BICC1: variants seen among roughly 807,000 people sequenced by gnomAD.
BICC1 encodes the protein protein bicaudal C homolog 1.
In BICC1, 43 loss-of-function variants were observed where a neutral mutation model predicts 111.0. The observed-to-expected ratio is 0.39, with a 90% confidence interval of 0.30 to 0.50. The LOEUF (loss-of-function observed/expected upper bound fraction) is 0.50, where lower values mean the gene tolerates loss of function less well. Ranked by LOEUF, BICC1 falls within the 20% of genes least tolerant of loss-of-function variation. The probability of loss-of-function intolerance (pLI) is 0.88; values close to 1 mark genes in which losing one functional copy is unlikely to be tolerated. For missense variants in BICC1, 1,091 were observed against 1,203.2 expected, an observed-to-expected ratio of 0.91 and a Z score of 1.38; for synonymous variants, 467 against 434.4, an observed-to-expected ratio of 1.07 and a Z score of -0.93.
intron 1 of BICC1, among the ~76,000 whole-genome samples, chr10:58,579,201 C>T (rs1844196614): frequency 6.6e-6 from 1 of 152,144 alleles, no homozygotes. Flanking sequence ...TCAGTTGTGC[C>T]TCTGGCTTCC....
intron 3 of BICC1, among the ~76,000 whole-genome samples, chr10:58,710,021 C>T (rs116823116): frequency 1.5e-4 from 23 of 152,244 alleles, no homozygotes; most frequent in African/African-American, 5.1e-4. Context: ...ACATAATTAG[C>T]GATTATGTAA....
At chr10:58,776,469 A>G (rs1272258601) in intron 3 of BICC1, among the ~76,000 whole-genome samples, 1 of 152,240 alleles carries the variant, frequency 6.6e-6, no homozygotes, top group Non-Finnish European at 1.5e-5. Flanking sequence ...AAGTTCTTGC[A>G]TAACTTGCTG....
At chr10:58,714,663 T>C (rs1001500888) in intron 3 of BICC1, among the ~76,000 whole-genome samples, 1 of 152,044 alleles carries the variant, frequency 6.6e-6, no homozygotes, top group Non-Finnish European at 1.5e-5. Flanking sequence ...TAAATTCCTG[T>C]CTTGGCCAGG....
chr10:58,595,917 A>G (rs1374172721), intron 1 of BICC1, among the ~76,000 whole-genome samples: 1 of 152,198 alleles, frequency 6.6e-6, no homozygotes, highest in Admixed American at 6.5e-5. Context: ...AAATCAGTGA[A>G]TCCAGGAGCT....
At position 58,696,745 on chromosome 10, in the gene BICC1, C is replaced by T. The variant is rs769569577; in HGVS notation, c.238-5329C>T. On this transcript the variant is annotated intron_variant, in intron 2 of 20. Coordinates refer to ENST00000373886, the MANE Select transcript of BICC1 (RefSeq NM_001080512.3). Reference sequence around the variant, plus strand: ...CTGAAATAGCAAAATCATACAGCATCCAGAATTATGAGTTAGAACAAGAGT... The same window carrying T: ...CTGAAATAGCAAAATCATACAGCATTCAGAATTATGAGTTAGAACAAGAGT... Among the ~76,000 whole-genome samples the T allele has an allele frequency of 5.3e-5, 8 of 152,148 alleles. 1 individual carries two copies. The South Asian group carries it at 1.7e-3, about 32-fold the overall frequency.
chr10:58,676,676 AGCACAGC>A (rs1839352445), intron 2 of BICC1, among the ~76,000 whole-genome samples: 1 of 152,196 alleles, frequency 6.6e-6, no homozygotes, highest in Non-Finnish European at 1.5e-5. Context: ...CGGATCTCCC[AGCACAGC>A]GTTCAAGCTC....
chr10:58,594,834 C>A (rs973280928), intron 1 of BICC1, among the ~76,000 whole-genome samples: 1 of 152,134 alleles, frequency 6.6e-6, no homozygotes, highest in Non-Finnish European at 1.5e-5. Context: ...GCAAAACAAC[C>A]AGCTAGCATC....
At chr10:58,728,929 C>T (rs757275849) in intron 3 of BICC1, among the ~76,000 whole-genome samples, 9 of 152,026 alleles carry the variant, frequency 5.9e-5, no homozygotes, top group Non-Finnish European at 1.0e-4. Context: ...CAACAGTGGG[C>T]TTAAAATATT....
At chr10:58,807,833 A>G (rs1843758031) in intron 17 of BICC1, among the ~76,000 whole-genome samples, 1 of 152,128 alleles carries the variant, frequency 6.6e-6, no homozygotes, top group South Asian at 2.1e-4. Context: ...GGGTGGGTCT[A>G]GAGAGAGCGT....
intron 2 of BICC1, among the ~76,000 whole-genome samples, chr10:58,682,381 C>T (rs1839556503): frequency 6.6e-6 from 1 of 152,028 alleles, no homozygotes; most frequent in South Asian, 2.1e-4. Flanking sequence ...GGGTATATAC[C>T]TAGTAATAGG....
intron 15 of BICC1, among the ~76,000 whole-genome samples, chr10:58,805,590 A>G (rs897970806): frequency 1.3e-5 from 2 of 152,254 alleles, no homozygotes; most frequent in African/African-American, 4.8e-5. Context: ...TTTAGTTATC[A>G]CATGTCCTTG....
At chr10:58,728,915 G>C (rs1301178185) in intron 3 of BICC1, among the ~76,000 whole-genome samples, 7 of 151,972 alleles carry the variant, frequency 4.6e-5, no homozygotes, top group Non-Finnish European at 7.4e-5. Context: ...TGAGCAGTAA[G>C]TCTCAACAGT....
chr10:58,585,693 T>A (rs935256186), intron 1 of BICC1, among the ~76,000 whole-genome samples: 14 of 152,218 alleles, frequency 9.2e-5, no homozygotes, highest in Non-Finnish European at 1.5e-4. Flanking sequence ...GTGTGCTTTA[T>A]GTTTTTTAGT....
intron 2 of BICC1, among the ~76,000 whole-genome samples, chr10:58,635,069 G>C (rs1325289130): frequency 1.3e-5 from 2 of 152,136 alleles, no homozygotes; most frequent in Admixed American, 1.3e-4. Flanking sequence ...TGTTGTTCAA[G>C]AGTCAACTGT....
chr10:58,798,338 C>A, intron 10 of BICC1, 61 bp from the exon 11 acceptor site: 1 of 1,268,980 alleles, frequency 7.9e-7, no homozygotes, highest in Non-Finnish European at 1.1e-6. Context: ...AATATTGGTG[C>A]CATCTCTATT....
rs541936226 is a variant in BICC1, at chr10:58,821,392, A to C, written c.2794+924A>C. On this transcript the variant is annotated intron_variant, in intron 20 of 20. Transcript: ENST00000373886. ...TCAGTGAAGCCAGCAGTTACATCCA[A>C]CTGGTGAAAGTCCATTCCAGACAAC... is the stretch of plus-strand genomic sequence containing the variant. Among the ~76,000 whole-genome samples the C allele has an allele frequency of 3.9e-5, 6 of 152,220 alleles. No homozygotes were observed. The East Asian group carries it at 1.2e-3, about 29-fold the overall frequency.
chr10:58,649,970 G>C (rs1036309447), intron 2 of BICC1: 1 of 151,976 alleles, frequency 6.6e-6, no homozygotes, highest in Non-Finnish European at 1.5e-5. Context: ...GAATATAACC[G>C]TAAGAAATAT....
chr10:58,679,535 C>G (rs962018919), intron 2 of BICC1, among the ~76,000 whole-genome samples: 54 of 152,068 alleles, frequency 3.6e-4, no homozygotes, highest in Non-Finnish European at 1.5e-4. Context: ...GAAATTGAGG[C>G]AGTAATTAAT....
chr10:58,662,830 T>G (rs547052454), intron 2 of BICC1, among the ~76,000 whole-genome samples: 1 of 152,326 alleles, frequency 6.6e-6, no homozygotes, highest in East Asian at 1.9e-4. Context: ...TTCTGAACAT[T>G]CAGTTACATG....
Sources: allele counts gnomAD v4.1 joint callset (sites outside exome capture counted in the v4.1 genomes callset), GRCh38; gene constraint gnomAD v4.1.1; transcripts MANE v1.5; gene names NCBI Gene and HGNC (gene_info 2026-07-23, HGNC 2026-07-21).